CROCC2: variants seen among roughly 807,000 people sequenced by gnomAD.
The protein encoded by CROCC2 is ciliary rootlet coiled-coil protein 2.
In CROCC2, 163 loss-of-function variants were observed where a neutral mutation model predicts 177.6. That is an observed-to-expected ratio of 0.92 (90% CI 0.81 to 1.05). The LOEUF (loss-of-function observed/expected upper bound fraction) is 1.05, where lower values mean the gene tolerates loss of function less well. Among genes scored for constraint, CROCC2 ranks in the 50% least tolerant of loss-of-function variants. The pLI is 0.00. For synonymous variants in CROCC2, 904 were observed against 787.3 expected, an observed-to-expected ratio of 1.15 and a Z score of -2.48; for missense variants, 1,929 against 1,797.8, an observed-to-expected ratio of 1.07 and a Z score of -1.32.
rs1488414126 is a variant in CROCC2 at position 240,965,728 on chromosome 2, G to A, written c.3696G>A (p.Gly1232=). 3 of 1,544,842 alleles carry A rather than the reference G, an allele frequency of 1.9e-6. No individual in the cohort carries two copies. The highest frequency in any genetic ancestry group is 2.0e-5 in the Admixed American group (1 of 50,378). ...RLQEHLRESR[G]AEQTLRAELH... ...AGGAGCACCTCCGTGAGAGCCGGGG[G>A]GCTGAGCAGACCCTCCGAGCAGAGC... Residue 1232 remains glycine, a synonymous_variant, in exon 24 of 32, where the codon GGG becomes GGA. Transcript: ENST00000690015.
At chr2:240,977,479 T>G (rs375397058) in intron 27 of CROCC2, among the ~76,000 whole-genome samples, 2 of 190 alleles carry the variant, frequency 0.011, no homozygotes, top group Admixed American at 0.042. Flanking sequence ...AGCCTCAGGA[T>G]CCCAGGCTCA....
In CROCC2 at chr2:240,993,184, C is replaced by G. The variant is rs140211103; in HGVS notation, c.*103C>G. The G allele has an allele frequency of 8.8e-6, 6 of 679,702 alleles. No individual in the cohort carries two copies. The highest frequency in any genetic ancestry group is 3.1e-5 in the South Asian group (2 of 63,972). 42.1% of individuals were successfully genotyped at this position (679,702 alleles called of 1,614,324 possible). A position where few individuals can be genotyped will look rare whatever the true frequency, so the allele number is the denominator to read the frequency against. On this transcript the variant is annotated 3_prime_UTR_variant, in exon 32 of 32. Transcript: ENST00000690015. ...TTTCTCAGCGTCACAGTGAAAGGCA[C>G]CCGTGATGAGACAGCTCGCTCTCGG...
At chr2:240,940,589 C>G (rs1203352732) in intron 14 of CROCC2, among the ~76,000 whole-genome samples, 3 of 151,812 alleles carry the variant, frequency 2.0e-5, no homozygotes, top group Non-Finnish European at 4.4e-5. Context: ...GAATTAAAAA[C>G]AAAAATCACA....
chr2:240,990,715 G>A (rs113960701), intron 30 of CROCC2, among the ~76,000 whole-genome samples: 2 of 152,138 alleles, frequency 1.3e-5, no homozygotes, highest in Non-Finnish European at 1.5e-5. Flanking sequence ...CCAGAGTAGC[G>A]GGGATTGCAG....
At chr2:240,955,433 C>T (rs1248054257) in intron 18 of CROCC2, 1 of 160,240 alleles carries the variant, frequency 6.2e-6, no homozygotes, top group Non-Finnish European at 1.4e-5. Flanking sequence ...GCATCTCCCA[C>T]ACCATCAGGG....
chr2:240,992,983 G>A (rs967735757), intron 31 of CROCC2, 83 bp from the exon 32 acceptor site: 9 of 694,416 alleles, frequency 1.3e-5, no homozygotes, highest in South Asian at 6.1e-5. Context: ...ACTCAGCATC[G>A]GTCCCTCCAG....
chr2:240,964,238 AG>A (rs779080447), intron 21 of CROCC2: 1 of 593,388 alleles, frequency 1.7e-6, no homozygotes, highest in Non-Finnish European at 3.0e-6. Context: ...TGAGGTGAGG[AG>A]GGGCTGAAGA....
Position 240,967,411 on chromosome 2 carries a change from C to G in CROCC2, c.4213C>G (p.Arg1405Gly), listed in dbSNP as rs566073155. ...GAGCGAGGCAGAGTGCAGGTGTGCC[C>G]GGGCCCAGAGCCGCGTGGGGCAGCT... ...RLSEAECRCA[R>G]AQSRVGQLQK... The change falls in exon 26 of 32, where the codon CGG becomes GGG. Residue 1405 changes from arginine to glycine, a missense_variant. Arg to Gly is a moderately radical substitution (Grantham distance 125). Around this residue, in one of 3 missense-constraint regions of CROCC2, gnomAD observed 388 missense variants for 352.7 expected, o/e 1.10. Transcript: ENST00000690015. The G allele has an allele frequency of 1.1e-5, 12 of 1,066,838 alleles. No individual in the cohort carries two copies. The highest frequency in any genetic ancestry group is 1.6e-5 in the Non-Finnish European group (11 of 705,638). The allele number at this position is 1,066,838 out of a possible 1,614,324, so 66.1% of individuals were successfully genotyped here. A position where few individuals can be genotyped will look rare whatever the true frequency, so the allele number is the denominator to read the frequency against.
chr2:240,948,180 G>A (rs950978904), intron 15 of CROCC2, among the ~76,000 whole-genome samples: 20 of 152,270 alleles, frequency 1.3e-4, no homozygotes, highest in Middle Eastern at 3.4e-3. Context: ...AGGAGGGACC[G>A]GAGAGGGAGC....
At chr2:240,923,028 G>A (rs1389772336) in intron 4 of CROCC2, among the ~76,000 whole-genome samples, 2 of 152,064 alleles carry the variant, frequency 1.3e-5, no homozygotes, top group African/African-American at 4.8e-5. Context: ...CCCTATTATA[G>A]TAGCTGCATC....
At position 240,955,985 on chromosome 2, in the gene CROCC2, C is replaced by T; in HGVS notation, c.2943+13C>T. On this transcript the variant is annotated intron_variant, in intron 19 of 31. Transcript: ENST00000690015. ...GGAGCAAGCGCAGGTGAGCCCCATG[C>T]AGCCAGGCCACGTGCACAGCCAAGC... 2 of 1,527,504 alleles carry T rather than the reference C, an allele frequency of 1.3e-6. No individual in the cohort carries two copies. The highest frequency in any genetic ancestry group is 2.4e-5 in the South Asian group (2 of 83,774). 94.6% of individuals were successfully genotyped at this position (1,527,504 alleles called of 1,614,324 possible).
chr2:240,909,770 A>G (rs551218233), intron 1 of CROCC2, among the ~76,000 whole-genome samples: 1 of 152,264 alleles, frequency 6.6e-6, no homozygotes, highest in South Asian at 2.1e-4. Context: ...TTTTTGCTGT[A>G]GTGATTGAGA....
intron 31 of CROCC2, 56 bp from the exon 32 acceptor site, chr2:240,993,010 C>A (rs2059889670): frequency 2.8e-6 from 2 of 711,748 alleles, no homozygotes; most frequent in Admixed American, 4.1e-5. Context: ...GCAGCAGGAG[C>A]CCCCATGTGT....
rs1246591784 is a variant in CROCC2 at position 240,949,634 on chromosome 2, G to T, written c.2584G>T (p.Ala862Ser). The T allele has an allele frequency of 1.8e-5, 28 of 1,550,332 alleles. No homozygotes were observed. Among genetic ancestry groups the T allele is most frequent in the Non-Finnish European group, 2.4e-5 (28 of 1,146,936 alleles). ...QRQVAQQERE[A>S]QRALESQALA... Reference sequence around the variant, plus strand: ...ACAGGTGGCACAGCAGGAGCGGGAGGCACAGCGGGCCCTGGAGAGCCAGGC... The same window carrying T: ...ACAGGTGGCACAGCAGGAGCGGGAGTCACAGCGGGCCCTGGAGAGCCAGGC... The change falls in exon 17 of 32, where the codon GCA (alanine) becomes TCA (serine). Residue 862 changes from alanine to serine, a missense_variant. Transcript: ENST00000690015. This position sits in a 1 kb window ranked among gnomAD's most constrained non-coding sequence, Gnocchi z 4.5.
chr2:240,916,456 C>CT (rs2059321041), intron 1 of CROCC2, among the ~76,000 whole-genome samples: 1 of 74,058 alleles, frequency 1.4e-5, no homozygotes, highest in African/African-American at 5.5e-5. Flanking sequence ...CCCGCCCCCC[C>CT]CATGCGCTCC....
intron 19 of CROCC2, chr2:240,957,874 C>T: frequency 3.1e-6 from 2 of 653,070 alleles, no homozygotes; most frequent in South Asian, 6.7e-5. Context: ...ACCACTGGCC[C>T]AGCAGCTCTC....
chr2:240,993,174 G>A lies in CROCC2; in HGVS notation c.*93G>A. On this transcript the variant is annotated 3_prime_UTR_variant, in exon 32 of 32. Coordinates refer to ENST00000690015, the MANE Select transcript of CROCC2 (RefSeq NM_001351305.2). ...GCCCAGCTGATTTCTCAGCGTCACA[G>A]TGAAAGGCACCCGTGATGAGACAGC... The A allele has an allele frequency of 1.4e-6, 1 of 694,456 alleles. No individual in the cohort carries two copies. The highest frequency in any genetic ancestry group is 2.7e-6 in the Non-Finnish European group (1 of 369,206). The allele number at this position is 694,456 out of a possible 1,614,324, so 43.0% of individuals were successfully genotyped here. A position where few individuals can be genotyped will look rare whatever the true frequency, so the allele number is the denominator to read the frequency against.
Position 240,949,081 on chromosome 2 carries a change from G to A in CROCC2, c.2466G>A (p.Ala822=), listed in dbSNP as rs748803014. ...AGGAAGCCCGGAGCGCAGGACTCGC[G>A]CGGCAGGCCTTGCAAGGTGCTCCAA... is the stretch of plus-strand genomic sequence containing the variant. The part of the protein sequence containing the change: ...LEEEARSAGL[A]RQALQVEMEQ... The change falls in exon 16 of 32, where the codon GCG becomes GCA. Residue 822 remains alanine (A), a synonymous_variant. Coordinates refer to ENST00000690015, the MANE Select transcript of CROCC2 (RefSeq NM_001351305.2). The surrounding 1 kb of genome is among the most constrained non-coding windows in gnomAD (Gnocchi z 4.5). 3.4e-5 allele frequency: 52 copies of A among 1,544,576 alleles called. No individual in the cohort carries two copies. The highest frequency in any genetic ancestry group is 6.0e-5 in the South Asian group (5 of 83,404).
At chr2:240,971,542 G>A (rs2059720991) in intron 27 of CROCC2, among the ~76,000 whole-genome samples, 1 of 152,152 alleles carries the variant, frequency 6.6e-6, no homozygotes, top group Non-Finnish European at 1.5e-5. Context: ...TCTTGTCAGT[G>A]CTCTTTCCAG....
Sources: allele counts gnomAD v4.1 joint callset (sites outside exome capture counted in the v4.1 genomes callset), GRCh38; gene constraint gnomAD v4.1.1; regional missense constraint gnomAD v4.1.1; non-coding constraint Gnocchi (gnomAD v3.1); transcripts MANE v1.5; gene names NCBI Gene and HGNC (gene_info 2026-07-23, HGNC 2026-07-21).